NPFFR2: variants seen among roughly 807,000 people sequenced by gnomAD.
NPFFR2 encodes the protein G-protein coupled receptor 74.
NPFFR2 carries 15 observed loss-of-function variants against 13.1 expected under a neutral mutation model. The observed-to-expected ratio is 1.15, with a 90% CI of 0.77 to 1.76. The LOEUF (loss-of-function observed/expected upper bound fraction) is 1.76, where lower values mean the gene tolerates loss of function less well. Among genes scored for constraint, NPFFR2 ranks in the 40% most tolerant of loss-of-function variants. The pLI, the probability that NPFFR2 is intolerant of heterozygous loss-of-function variation, is 0.00. For missense variants in NPFFR2, 572 were observed against 503.5 expected (o/e 1.14, Z -1.30); for synonymous variants, 190 against 175.7 (o/e 1.08, Z -0.65).
chr4:72,085,493 T>C (rs1205548747), intron 1 of NPFFR2, among the ~76,000 whole-genome samples: 2 of 152,198 alleles, frequency 1.3e-5, no homozygotes, highest in Non-Finnish European at 2.9e-5. Context: ...ATCTACTTCT[T>C]CTTTTGTTCA....
intron 1 of NPFFR2, among the ~76,000 whole-genome samples, chr4:72,081,545 G>C (rs897565980): frequency 6.7e-6 from 1 of 148,540 alleles, no homozygotes; most frequent in Non-Finnish European, 1.5e-5. Flanking sequence ...CTGGAATGCA[G>C]TGGCATGGTC....
At chr4:72,070,500 G>A (rs1720211100) in intron 1 of NPFFR2, among the ~76,000 whole-genome samples, 1 of 150,898 alleles carries the variant, frequency 6.6e-6, no homozygotes, top group Admixed American at 6.6e-5. Context: ...TCAGTCCAAA[G>A]TTGGACAGGC....
At chr4:72,125,424 C>T (rs1297585307) in intron 1 of NPFFR2, among the ~76,000 whole-genome samples, 1 of 152,114 alleles carries the variant, frequency 6.6e-6, no homozygotes, top group African/African-American at 2.4e-5. Context: ...GGTAATACTA[C>T]AAAAATTGGG....
At chr4:72,072,441 A>G (rs1720285845) in intron 1 of NPFFR2, among the ~76,000 whole-genome samples, 1 of 152,162 alleles carries the variant, frequency 6.6e-6, no homozygotes, top group South Asian at 2.1e-4. Flanking sequence ...AATAGTCACT[A>G]GAGGGATTCA....
chr4:72,136,366 CAAAG>C (rs914920639), intron 2 of NPFFR2, among the ~76,000 whole-genome samples: 26 of 151,730 alleles, frequency 1.7e-4, no homozygotes, highest in South Asian at 1.0e-3. Context: ...TGTCTCAAAA[CAAAG>C]AAACAAACAA....
chr4:72,094,416 C>T (rs1489892066), intron 1 of NPFFR2, among the ~76,000 whole-genome samples: 1 of 152,114 alleles, frequency 6.6e-6, no homozygotes, highest in Non-Finnish European at 1.5e-5. Context: ...ATGGAGCTCC[C>T]AGGAGACTAT....
At chr4:72,110,442 T>C (rs1175848832) in intron 1 of NPFFR2, among the ~76,000 whole-genome samples, 1 of 152,000 alleles carries the variant, frequency 6.6e-6, no homozygotes, top group Non-Finnish European at 1.5e-5. Flanking sequence ...GATTCCCTTC[T>C]GTGTACTTGC....
intron 2 of NPFFR2, among the ~76,000 whole-genome samples, chr4:72,130,656 G>T (rs1248059304): frequency 6.6e-6 from 1 of 152,192 alleles, no homozygotes; most frequent in African/African-American, 2.4e-5. Context: ...CCCCTTGTGG[G>T]AGGGGGAGCA....
intron 1 of NPFFR2, among the ~76,000 whole-genome samples, chr4:72,082,732 G>T (rs376599754): frequency 1.3e-5 from 2 of 151,826 alleles, no homozygotes; most frequent in Non-Finnish European, 2.9e-5. Context: ...TAATTACCTC[G>T]ATGTACAATA....
intron 1 of NPFFR2, among the ~76,000 whole-genome samples, chr4:72,079,027 C>T (rs376186493): frequency 3.4e-5 from 5 of 148,728 alleles, no homozygotes; most frequent in African/African-American, 1.0e-4. Context: ...AAAGAATCTA[C>T]ATGTGTTATA....
chr4:72,100,286 T>C (rs77377242), intron 1 of NPFFR2, among the ~76,000 whole-genome samples: 3,673 of 152,164 alleles, frequency 0.024, 150 homozygotes, highest in African/African-American at 0.084. Context: ...AAAAACTGTA[T>C]AGGTTTTGGA....
chr4:72,125,405 A>G (rs1722010829), intron 1 of NPFFR2, among the ~76,000 whole-genome samples: 1 of 152,224 alleles, frequency 6.6e-6, no homozygotes, highest in African/African-American at 2.4e-5. Context: ...GTCCAAGGAA[A>G]AGATCTCAGG....
intron 1 of NPFFR2, among the ~76,000 whole-genome samples, chr4:72,126,811 T>A (rs1464893622): frequency 6.6e-6 from 1 of 152,230 alleles, no homozygotes; most frequent in Non-Finnish European, 1.5e-5. Context: ...ATGTTCTATG[T>A]GAGTCCACTG....
At chr4:72,118,461 T>C (rs1721773056) in intron 1 of NPFFR2, among the ~76,000 whole-genome samples, 1 of 152,192 alleles carries the variant, frequency 6.6e-6, no homozygotes. Context: ...AATAATTTAC[T>C]CAAAGTCACG....
At chr4:72,050,841 C>T (rs1719537542) in intron 1 of NPFFR2, among the ~76,000 whole-genome samples, 1 of 150,450 alleles carries the variant, frequency 6.6e-6, no homozygotes, top group East Asian at 2.0e-4. Flanking sequence ...TCAATTCCCA[C>T]CTATGAGTGA....
chr4:72,075,940 A>ATC (rs370853773), intron 1 of NPFFR2, among the ~76,000 whole-genome samples: 245 of 144,312 alleles, frequency 1.7e-3, no homozygotes, highest in African/African-American at 5.9e-3. Context: ...AAGTAAATCA[A>ATC]TCTCTCTCTC....
At chr4:72,101,121 G>A (rs1284017205) in intron 1 of NPFFR2, among the ~76,000 whole-genome samples, 2 of 151,824 alleles carry the variant, frequency 1.3e-5, no homozygotes, top group East Asian at 1.9e-4. Context: ...ATAAAATTAC[G>A]TTAAGAAACA....
intron 1 of NPFFR2, among the ~76,000 whole-genome samples, chr4:72,036,138 G>A (rs1719033293): frequency 6.6e-6 from 1 of 152,132 alleles, no homozygotes; most frequent in African/African-American, 2.4e-5. Context: ...TTTAGAAATT[G>A]AGTATGCTTA....
At chr4:72,133,880 A>G (rs538217779) in intron 2 of NPFFR2, among the ~76,000 whole-genome samples, 48 of 152,124 alleles carry the variant, frequency 3.2e-4, no homozygotes, top group Non-Finnish European at 5.9e-4. Context: ...GACTTTTAGG[A>G]AAGTTATTTT....
Sources: allele counts gnomAD v4.1 joint callset (sites outside exome capture counted in the v4.1 genomes callset), GRCh38; gene constraint gnomAD v4.1.1; transcripts MANE v1.5; gene names NCBI Gene and HGNC (gene_info 2026-07-23, HGNC 2026-07-21).